LMBR1: variants seen among roughly 807,000 people sequenced by gnomAD.
LMBR1 encodes limb region 1 protein homolog.
Under a neutral mutation model 73.9 loss-of-function variants are expected in LMBR1, and 52 were observed. The ratio of observed to expected loss-of-function variants is 0.70; its 90% CI spans 0.56 to 0.89. The LOEUF (loss-of-function observed/expected upper bound fraction) is 0.89. LMBR1 is among the 40% of genes least tolerant of loss of function. The pLI is 0.00. For missense variants in LMBR1, 539 were observed against 579.8 expected (o/e 0.93, Z 0.72); for synonymous variants, 215 against 209.4 (o/e 1.03, Z -0.23).
chr7:156,721,394 C>A (rs7779517), intron 15 of LMBR1, among the ~76,000 whole-genome samples: 25,882 of 151,978 alleles, frequency 0.17, 2,450 homozygotes, highest in African/African-American at 0.26. Context: ...ATCTATTCTT[C>A]TAAAATTCAC....
chr7:156,785,561 G>GA (rs1311589618), intron 5 of LMBR1, among the ~76,000 whole-genome samples: 1 of 152,144 alleles, frequency 6.6e-6, no homozygotes, highest in Non-Finnish European at 1.5e-5. Context: ...CGCTGCCTTG[G>GA]AAAAAAATCT....
chr7:156,735,477 A>C (rs2132514296), intron 9 of LMBR1, among the ~76,000 whole-genome samples: 1 of 150,206 alleles, frequency 6.7e-6, no homozygotes, highest in African/African-American at 2.4e-5. Flanking sequence ...TTACCTGTTA[A>C]ATTCTGAAAC....
downstream of LMBR1, among the ~76,000 whole-genome samples, chr7:156,673,038 A>C (rs1802930590): frequency 6.6e-6 from 1 of 152,252 alleles, no homozygotes; most frequent in Non-Finnish European, 1.5e-5. Context: ...ACAGATTCCC[A>C]GGAGCTGAGG....
At chr7:156,810,804 G>T (rs942647181) in intron 4 of LMBR1, among the ~76,000 whole-genome samples, 9 of 151,448 alleles carry the variant, frequency 5.9e-5, no homozygotes, top group African/African-American at 1.7e-4. Flanking sequence ...ATAGTTTTTT[G>T]ATTTTTTTGT....
chr7:156,725,654 T>C, intron 13 of LMBR1, 110 bp downstream of exon 13: 3 of 1,231,430 alleles, frequency 2.4e-6, no homozygotes, highest in Non-Finnish European at 3.5e-6. Flanking sequence ...TGAGGAAGAC[T>C]AACCTGTTGT....
chr7:156,886,116 T>C (rs1038689377), intron 1 of LMBR1, among the ~76,000 whole-genome samples: 1 of 151,550 alleles, frequency 6.6e-6, no homozygotes, highest in Non-Finnish European at 1.5e-5. Context: ...GAGGCTACAG[T>C]AAGCCGTGTT....
chr7:156,771,207 A>G (rs1237699223), intron 5 of LMBR1, among the ~76,000 whole-genome samples: 1 of 152,170 alleles, frequency 6.6e-6, no homozygotes, highest in Non-Finnish European at 1.5e-5. Flanking sequence ...AAGCTACCAG[A>G]AGACAAGAAA....
chr7:156,866,891 T>A (rs1046478076), intron 1 of LMBR1, among the ~76,000 whole-genome samples: 1 of 152,168 alleles, frequency 6.6e-6, no homozygotes, highest in Non-Finnish European at 1.5e-5. Context: ...CATGAGCCAC[T>A]GCGCCCAGCC....
intron 1 of LMBR1, among the ~76,000 whole-genome samples, chr7:156,840,291 C>G (rs1442475172): frequency 2.0e-5 from 3 of 151,996 alleles, no homozygotes; most frequent in Non-Finnish European, 4.4e-5. Flanking sequence ...AATTATGCAA[C>G]GTTAGAGGAA....
intron 9 of LMBR1, among the ~76,000 whole-genome samples, chr7:156,735,622 T>G (rs1817725690): frequency 6.6e-6 from 1 of 150,972 alleles, no homozygotes; most frequent in Non-Finnish European, 1.5e-5. Context: ...GGTTTTTTTG[T>G]TTTTGTTTTT....
intron 15 of LMBR1, among the ~76,000 whole-genome samples, chr7:156,706,191 T>C (rs1260175213): frequency 3.4e-5 from 5 of 147,286 alleles, no homozygotes; most frequent in Admixed American, 6.8e-5. Context: ...GGTCATTATA[T>C]AATGATAAAG....
At chr7:156,824,150 G>A (rs1835269750) in intron 4 of LMBR1, among the ~76,000 whole-genome samples, 2 of 151,814 alleles carry the variant, frequency 1.3e-5, no homozygotes, top group African/African-American at 2.4e-5. Context: ...ACACGCGCGC[G>A]CGCTGAAAAA....
At chr7:156,782,130 C>T (rs1827238276) in intron 5 of LMBR1, among the ~76,000 whole-genome samples, 1 of 152,192 alleles carries the variant, frequency 6.6e-6, no homozygotes, top group Admixed American at 6.5e-5. Context: ...GGTTCATCCA[C>T]GTTGTAGCAT....
At chr7:156,728,078 C>A in intron 11 of LMBR1, 71 bp from the exon 12 acceptor site, 1 of 1,188,508 alleles carries the variant, frequency 8.4e-7, no homozygotes, top group Non-Finnish European at 1.2e-6. Flanking sequence ...ATCTAGGTAA[C>A]CAAATACACG....
chr7:156,698,243 C>T (rs901187084), intron 15 of LMBR1, among the ~76,000 whole-genome samples: 5 of 152,214 alleles, frequency 3.3e-5, no homozygotes, highest in African/African-American at 1.2e-4. Context: ...GGTACAGCCT[C>T]CCTCCCAGCT....
chr7:156,755,947 T>C (rs1450670888), intron 9 of LMBR1, among the ~76,000 whole-genome samples: 6 of 152,250 alleles, frequency 3.9e-5, no homozygotes, highest in Admixed American at 2.6e-4. Context: ...CAGTTCGTTA[T>C]TAATTATCTG....
chr7:156,877,797 G>A (rs1800418044), intron 1 of LMBR1, among the ~76,000 whole-genome samples: 1 of 151,716 alleles, frequency 6.6e-6, no homozygotes, highest in South Asian at 2.1e-4. Flanking sequence ...GCAGGAGAAT[G>A]GCGTGAACCC....
chr7:156,809,171 A>G (rs184201524), intron 4 of LMBR1, among the ~76,000 whole-genome samples: 1 of 152,260 alleles, frequency 6.6e-6, no homozygotes, highest in African/African-American at 2.4e-5. Flanking sequence ...CGGTTCCTAG[A>G]TATCTATCTC....
chr7:156,878,808 T>C (rs1241981849), intron 1 of LMBR1, among the ~76,000 whole-genome samples: 2 of 152,106 alleles, frequency 1.3e-5, no homozygotes, highest in Non-Finnish European at 2.9e-5. Flanking sequence ...CAAACTATAC[T>C]ATAAGGCCGT....
Sources: allele counts gnomAD v4.1 joint callset (sites outside exome capture counted in the v4.1 genomes callset), GRCh38; gene constraint gnomAD v4.1.1; transcripts MANE v1.5; gene names NCBI Gene and HGNC (gene_info 2026-07-23, HGNC 2026-07-21).